Variants in PRR16 observed in about 807,000 individuals in gnomAD.
PRR16 encodes protein Largen.
In PRR16, 6 loss-of-function variants were observed where a neutral mutation model predicts 18.2. The ratio of observed to expected loss-of-function variants is 0.33; its 90% CI spans 0.18 to 0.65. PRR16 has a LOEUF of 0.65. Ranked by LOEUF, PRR16 falls within the 30% of genes least tolerant of loss-of-function variation. PRR16 has a pLI of 0.74. For synonymous variants in PRR16, 151 were observed against 147.8 expected, an observed-to-expected ratio of 1.02 and a Z score of -0.16; for missense variants, 412 against 376.6, an observed-to-expected ratio of 1.09 and a Z score of -0.78.
At chr5:120,543,079 T>G (rs1384988539) in intron 1 of PRR16, among the ~76,000 whole-genome samples, 1 of 152,162 alleles carries the variant, frequency 6.6e-6, no homozygotes, top group African/African-American at 2.4e-5. Flanking sequence ...ATGTATGGCA[T>G]GACTTGTTTT....
At chr5:120,697,298 A>G in the PRR16 span, among the ~76,000 whole-genome samples, 2 of 152,194 alleles carry the variant, frequency 1.3e-5, no homozygotes, top group East Asian at 1.9e-4. Context: ...CTCCGTCCCA[A>G]TCACTATGGT....
intron 1 of PRR16, among the ~76,000 whole-genome samples, chr5:120,656,442 C>T (rs1019315101): frequency 6.9e-6 from 1 of 144,138 alleles, no homozygotes; most frequent in African/African-American, 2.6e-5. Flanking sequence ...AAATAGAAAG[C>T]CATTCTAACA....
the PRR16 span, among the ~76,000 whole-genome samples, chr5:120,713,626 G>A: frequency 6.6e-6 from 1 of 152,160 alleles, no homozygotes; most frequent in Non-Finnish European, 1.5e-5. Context: ...CCGAAAGGCA[G>A]TAAGTAGCTT....
intron 1 of PRR16, among the ~76,000 whole-genome samples, chr5:120,529,138 C>T (rs1167744473): frequency 6.6e-6 from 1 of 152,094 alleles, no homozygotes. Flanking sequence ...ACAAGGCAAC[C>T]AATCTTCACT....
At position 120,583,302 on chromosome 5, in the gene PRR16, A is replaced by T. The variant is rs562760287; in HGVS notation, c.160-102652A>T. The stretch of plus-strand genomic sequence containing the variant: ...TTTTCAGTGTCACATTTTAATGGGT[A>T]ATACAAAATAATGTGTGTGTGTGTG... On this transcript the variant is annotated intron_variant, in intron 1 of 1. Coordinates refer to ENST00000407149, the MANE Select transcript of PRR16 (RefSeq NM_001300783.2). 1.2e-4 allele frequency among the ~76,000 whole-genome samples: 17 copies of T among 136,774 alleles called. No individual in the cohort carries two copies. The South Asian group carries it at 3.7e-3, about 30-fold the overall frequency. The allele number at this position is 136,774 out of a possible 152,430, so 89.7% of individuals were successfully genotyped here.
intron 1 of PRR16, among the ~76,000 whole-genome samples, chr5:120,525,469 C>G (rs539189345): frequency 6.6e-6 from 1 of 152,074 alleles, no homozygotes; most frequent in South Asian, 2.1e-4. Context: ...TAAATCATAT[C>G]TGGAACATAG....
chr5:120,530,254 A>AATATATATATATATATAT (rs3047950), intron 1 of PRR16, among the ~76,000 whole-genome samples: 126 of 106,682 alleles, frequency 1.2e-3, no homozygotes, highest in Non-Finnish European at 1.7e-3. Flanking sequence ...AGTGTGTGTA[A>AATATATATATATATATAT]ATATATATAT....
chr5:120,683,518 G>T (rs1477435001), intron 1 of PRR16, among the ~76,000 whole-genome samples: 1 of 139,824 alleles, frequency 7.2e-6, no homozygotes, highest in Admixed American at 7.3e-5. Context: ...AAAAAAAAAA[G>T]TGAAACTGTA....
intron 1 of PRR16, among the ~76,000 whole-genome samples, chr5:120,505,830 T>C (rs1750622978): frequency 6.6e-6 from 1 of 151,852 alleles, no homozygotes; most frequent in Admixed American, 6.6e-5. Context: ...ACTGCTTCTC[T>C]TCTGAAAGTA....
intron 1 of PRR16, among the ~76,000 whole-genome samples, chr5:120,634,518 C>T (rs1755164305): frequency 1.3e-5 from 2 of 152,120 alleles, no homozygotes; most frequent in South Asian, 4.1e-4. Context: ...TGGCATGTGC[C>T]TGTAATCCCA....
chr5:120,552,810 A>G (rs995976870), intron 1 of PRR16, among the ~76,000 whole-genome samples: 1 of 151,904 alleles, frequency 6.6e-6, no homozygotes, highest in Non-Finnish European at 1.5e-5. Flanking sequence ...TTGTTTCAAT[A>G]ATGTGTCATA....
chr5:120,518,074 C>G (rs1427982048), intron 1 of PRR16, among the ~76,000 whole-genome samples: 4 of 152,142 alleles, frequency 2.6e-5, no homozygotes, highest in African/African-American at 9.7e-5. Flanking sequence ...ATCTTGTCTG[C>G]TTTCAGATGT....
chr5:120,516,483 G>GAA (rs1561526504), intron 1 of PRR16, among the ~76,000 whole-genome samples: 4 of 104,562 alleles, frequency 3.8e-5, no homozygotes, highest in African/African-American at 1.2e-4. Context: ...CAGGAGGGAA[G>GAA]GACACACACA....
downstream of PRR16, among the ~76,000 whole-genome samples, chr5:120,690,282 C>T (rs1187378198): frequency 3.9e-5 from 6 of 152,060 alleles, no homozygotes; most frequent in African/African-American, 1.4e-4. Flanking sequence ...AGAAAATCTG[C>T]GTAGTTCTGC....
chr5:120,741,733 T>C, the PRR16 span, among the ~76,000 whole-genome samples: 1 of 152,094 alleles, frequency 6.6e-6, no homozygotes, highest in Non-Finnish European at 1.5e-5. Context: ...TCCGAGTAGC[T>C]GGGATTACAG....
intron 1 of PRR16, among the ~76,000 whole-genome samples, chr5:120,673,083 G>A (rs530844099): frequency 6.6e-6 from 1 of 152,310 alleles, no homozygotes; most frequent in East Asian, 1.9e-4. Flanking sequence ...ATTATAATCT[G>A]TGGATAATGT....
At chr5:120,659,099 A>G (rs1000140029) in intron 1 of PRR16, among the ~76,000 whole-genome samples, 2 of 151,950 alleles carry the variant, frequency 1.3e-5, no homozygotes, top group Non-Finnish European at 2.9e-5. Context: ...CATACTTTAA[A>G]ATGCTCAAAG....
chr5:120,650,531 A>G (rs970123901), intron 1 of PRR16, among the ~76,000 whole-genome samples: 11 of 126,334 alleles, frequency 8.7e-5, no homozygotes, highest in African/African-American at 3.4e-4. Flanking sequence ...TCCTGTGTCC[A>G]TGTGTTCTCA....
chr5:120,595,921 C>T (rs1198925525), intron 1 of PRR16, among the ~76,000 whole-genome samples: 9 of 151,822 alleles, frequency 5.9e-5, no homozygotes, highest in East Asian at 3.9e-4. Flanking sequence ...TAATATATTT[C>T]CTGTCAAAAT....
Sources: allele counts gnomAD v4.1 joint callset (sites outside exome capture counted in the v4.1 genomes callset), GRCh38; gene constraint gnomAD v4.1.1; transcripts MANE v1.5; gene names NCBI Gene and HGNC (gene_info 2026-07-23, HGNC 2026-07-21).